ST6GALNAC3: variants seen among roughly 807,000 people sequenced by gnomAD.
The protein encoded by ST6GALNAC3 is alpha-N-acetylgalactosaminide alpha-2,6-sialyltransferase 3.
ST6GALNAC3 carries 25 observed loss-of-function variants against 32.7 expected under a neutral mutation model. The ratio of observed to expected loss-of-function variants is 0.76; its 90% CI spans 0.56 to 1.07. The LOEUF (loss-of-function observed/expected upper bound fraction) is 1.07. Ranked by LOEUF, ST6GALNAC3 falls within the 50% of genes least tolerant of loss-of-function variation. ST6GALNAC3 has a pLI of 0.00. For synonymous variants in ST6GALNAC3, 129 were observed against 133.1 expected (o/e 0.97, Z 0.21); for missense variants, 355 against 382.4 (o/e 0.93, Z 0.60).
chr1:76,355,097 C>A (rs1402153020), intron 2 of ST6GALNAC3, among the ~76,000 whole-genome samples: 1 of 151,936 alleles, frequency 6.6e-6, no homozygotes, highest in Non-Finnish European at 1.5e-5. Flanking sequence ...TTTGCTTAGA[C>A]TGAAAATGAT....
intron 2 of ST6GALNAC3, 89 bp downstream of exon 2, chr1:76,314,088 CT>C: frequency 7.8e-7 from 1 of 1,275,476 alleles, no homozygotes; most frequent in Non-Finnish European, 1.1e-6. Context: ...ACTCACTGAA[CT>C]TACTCTGTCT....
At chr1:76,572,400 A>G (rs1490470040) in intron 3 of ST6GALNAC3, among the ~76,000 whole-genome samples, 1 of 152,142 alleles carries the variant, frequency 6.6e-6, no homozygotes, top group Non-Finnish European at 1.5e-5. Context: ...AGAATAGAGA[A>G]AAAATAAGAG....
At chr1:76,513,582 CT>C (rs1662002607) in intron 3 of ST6GALNAC3, among the ~76,000 whole-genome samples, 1 of 152,082 alleles carries the variant, frequency 6.6e-6, no homozygotes, top group East Asian at 1.9e-4. Flanking sequence ...CAGCTTTGTT[CT>C]TTTTGTTCAG....
intron 2 of ST6GALNAC3, among the ~76,000 whole-genome samples, chr1:76,368,609 C>T (rs899469795): frequency 2.0e-5 from 3 of 152,004 alleles, no homozygotes; most frequent in Non-Finnish European, 4.4e-5. Flanking sequence ...GAATCCCTGG[C>T]ACCTAACACA....
intron 1 of ST6GALNAC3, among the ~76,000 whole-genome samples, chr1:76,194,266 A>G (rs906164213): frequency 4.6e-5 from 7 of 152,202 alleles, no homozygotes; most frequent in African/African-American, 1.4e-4. Flanking sequence ...AATCTGAGAT[A>G]TAGAGTACGA....
At chr1:76,375,838 C>G (rs1403072871) in intron 2 of ST6GALNAC3, among the ~76,000 whole-genome samples, 1 of 152,192 alleles carries the variant, frequency 6.6e-6, no homozygotes, top group East Asian at 1.9e-4. Flanking sequence ...GAAGCTCTGT[C>G]ACTACTCAAA....
chr1:76,161,907 A>G (rs992437578), intron 1 of ST6GALNAC3, among the ~76,000 whole-genome samples: 2 of 152,202 alleles, frequency 1.3e-5, no homozygotes, highest in Non-Finnish European at 2.9e-5. Context: ...TCAGTCAAAT[A>G]TTGTCAGGCT....
At chr1:76,487,593 T>G (rs1000790039) in intron 3 of ST6GALNAC3, among the ~76,000 whole-genome samples, 1 of 152,224 alleles carries the variant, frequency 6.6e-6, no homozygotes, top group African/African-American at 2.4e-5. Flanking sequence ...ATTTAAGGAC[T>G]TCTCTACATT....
At chr1:76,456,770 G>A (rs554872502) in intron 3 of ST6GALNAC3, among the ~76,000 whole-genome samples, 272 of 152,208 alleles carry the variant, frequency 1.8e-3, no homozygotes, top group Non-Finnish European at 3.1e-3. Flanking sequence ...AAAACTGGAA[G>A]CATTCCCTTT....
At chr1:76,369,869 A>G (rs1650679316) in intron 2 of ST6GALNAC3, among the ~76,000 whole-genome samples, 1 of 152,186 alleles carries the variant, frequency 6.6e-6, no homozygotes, top group Non-Finnish European at 1.5e-5. Flanking sequence ...GAGCCTTGAA[A>G]ATCATGAGGG....
At chr1:76,587,762 T>C (rs1646984480) in intron 3 of ST6GALNAC3, among the ~76,000 whole-genome samples, 1 of 152,112 alleles carries the variant, frequency 6.6e-6, no homozygotes, top group South Asian at 2.1e-4. Context: ...TCAAATCTGA[T>C]CTAATGACTT....
At chr1:76,572,428 GT>G (rs1355577156) in intron 3 of ST6GALNAC3, among the ~76,000 whole-genome samples, 1 of 152,084 alleles carries the variant, frequency 6.6e-6, no homozygotes, top group Non-Finnish European at 1.5e-5. Context: ...GTGATTGGTA[GT>G]TTTTTGTTTG....
rs193107810 is a variant in ST6GALNAC3, at chr1:76,333,007, A to G, written c.213+19008A>G. Among the ~76,000 whole-genome samples, 22 of 152,034 alleles carry G rather than the reference A, an allele frequency of 1.4e-4. No homozygotes were observed. In the East Asian group the frequency reaches 4.1e-3, roughly 28 times the overall value. On this transcript the variant is annotated intron_variant, in intron 2 of 4. Coordinates refer to ENST00000328299, the MANE Select transcript of ST6GALNAC3 (RefSeq NM_152996.4). Reference sequence around the variant, plus strand: ...TGTGCAGAGCTCCTCTTATATAACCATAGGCCCCTGAAAGGCTGGACCCTC... The same window carrying G: ...TGTGCAGAGCTCCTCTTATATAACCGTAGGCCCCTGAAAGGCTGGACCCTC...
chr1:76,583,664 A>G (rs899589074), intron 3 of ST6GALNAC3, among the ~76,000 whole-genome samples: 5 of 152,036 alleles, frequency 3.3e-5, no homozygotes, highest in Admixed American at 3.3e-4. Flanking sequence ...AATGCCAGGA[A>G]CTCATCTTTA....
intron 1 of ST6GALNAC3, among the ~76,000 whole-genome samples, chr1:76,175,277 T>G (rs1652778216): frequency 6.6e-6 from 1 of 151,648 alleles, no homozygotes; most frequent in Non-Finnish European, 1.5e-5. Context: ...CCTCCAGGAG[T>G]TTTTTGGGAG....
chr1:76,151,064 C>T (rs933637242), intron 1 of ST6GALNAC3, among the ~76,000 whole-genome samples: 1 of 152,134 alleles, frequency 6.6e-6, no homozygotes, highest in Non-Finnish European at 1.5e-5. Context: ...CATTTGGGCC[C>T]CTTTCCAAGA....
intron 1 of ST6GALNAC3, among the ~76,000 whole-genome samples, chr1:76,119,207 CA>C (rs1334139906): frequency 6.6e-6 from 1 of 152,174 alleles, no homozygotes; most frequent in Non-Finnish European, 1.5e-5. Context: ...GTTTTATTGC[CA>C]GAAAGATGCT....
At chr1:76,195,052 T>C (rs1406973594) in intron 1 of ST6GALNAC3, among the ~76,000 whole-genome samples, 1 of 152,216 alleles carries the variant, frequency 6.6e-6, no homozygotes, top group African/African-American at 2.4e-5. Context: ...ACCACTCAAA[T>C]ATCTCATCAG....
intron 2 of ST6GALNAC3, among the ~76,000 whole-genome samples, chr1:76,391,844 A>G (rs754125698): frequency 2.5e-4 from 38 of 152,332 alleles, no homozygotes; most frequent in South Asian, 6.2e-4. Flanking sequence ...CATTTAGTAC[A>G]ATTAGTATTA....
Sources: allele counts gnomAD v4.1 joint callset (sites outside exome capture counted in the v4.1 genomes callset), GRCh38; gene constraint gnomAD v4.1.1; transcripts MANE v1.5; gene names NCBI Gene and HGNC (gene_info 2026-07-23, HGNC 2026-07-21).